The following ENTPD1 variants were observed in gnomAD, a reference collection of about 807,000 sequenced individuals.
ENTPD1 encodes ATP diphosphohydrolase.
A neutral mutation model predicts 57.0 loss-of-function variants in ENTPD1; 33 were observed. The observed-to-expected ratio is 0.58, with a 90% CI of 0.44 to 0.77. ENTPD1 has a LOEUF of 0.77. Ranked by LOEUF, ENTPD1 falls within the 30% of genes least tolerant of loss-of-function variation. The pLI is 0.00. For synonymous variants in ENTPD1, 202 were observed against 218.8 expected, an observed-to-expected ratio of 0.92 and a Z score of 0.68; for missense variants, 501 against 603.4, an observed-to-expected ratio of 0.83 and a Z score of 1.78.
intron 1 of ENTPD1, among the ~76,000 whole-genome samples, chr10:95,730,689 TGTG>T (rs1296639985): frequency 1.3e-5 from 2 of 152,206 alleles, no homozygotes; most frequent in Non-Finnish European, 2.9e-5. Flanking sequence ...AAAAAAGATA[TGTG>T]GTGGTAAATA....
At chr10:95,865,129 C>T (rs942940458) in intron 9 of ENTPD1, among the ~76,000 whole-genome samples, 1 of 152,208 alleles carries the variant, frequency 6.6e-6, no homozygotes, top group African/African-American at 2.4e-5. Flanking sequence ...AAACAAAACA[C>T]AAAACGAGAT....
At chr10:95,712,053 C>A in intron 1 of ENTPD1, 1 of 1,609,480 alleles carries the variant, frequency 6.2e-7, no homozygotes, top group South Asian at 1.1e-5. Flanking sequence ...TCTGGTAGAG[C>A]CGATGGTAAA....
intron 2 of ENTPD1, among the ~76,000 whole-genome samples, chr10:95,834,354 C>T (rs1387945751): frequency 6.6e-6 from 1 of 152,014 alleles, no homozygotes; most frequent in East Asian, 1.9e-4. Flanking sequence ...GTGGCCAGTA[C>T]CGTCTTTAGA....
intron 1 of ENTPD1, among the ~76,000 whole-genome samples, chr10:95,749,551 G>A (rs1566102143): frequency 6.6e-6 from 1 of 152,182 alleles, no homozygotes; most frequent in Non-Finnish European, 1.5e-5. Context: ...GGCCATTTTA[G>A]TAGAAAATAG....
intron 1 of ENTPD1, among the ~76,000 whole-genome samples, chr10:95,778,621 T>A (rs1217185109): frequency 6.6e-6 from 1 of 152,218 alleles, no homozygotes; most frequent in African/African-American, 2.4e-5. Flanking sequence ...TTAACCTTTT[T>A]GTTAAAATTT....
intron 5 of ENTPD1, 154 bp downstream of exon 5, chr10:95,844,789 G>T: frequency 1.0e-6 from 1 of 967,498 alleles, no homozygotes; most frequent in South Asian, 1.3e-5. Flanking sequence ...TCTCACATTT[G>T]TAAGGGTCAC....
chr10:95,734,967 A>C (rs1304253481), intron 1 of ENTPD1, among the ~76,000 whole-genome samples: 13 of 152,106 alleles, frequency 8.5e-5, no homozygotes, highest in Admixed American at 2.6e-4. Context: ...GTAGGGTTAC[A>C]GGCATTTTCT....
chr10:95,744,323 G>A (rs981327105), intron 1 of ENTPD1, among the ~76,000 whole-genome samples: 7 of 152,038 alleles, frequency 4.6e-5, no homozygotes, highest in African/African-American at 1.7e-4. Flanking sequence ...CTTTGGTCCT[G>A]TAGACTTTAC....
chr10:95,714,781 T>G (rs1261554973), intron 1 of ENTPD1, among the ~76,000 whole-genome samples: 3 of 152,208 alleles, frequency 2.0e-5, no homozygotes, highest in Non-Finnish European at 2.9e-5. Context: ...AAATTTTTTT[T>G]TTTTAGAATA....
intron 7 of ENTPD1, among the ~76,000 whole-genome samples, chr10:95,857,120 G>C (rs571976894): frequency 6.6e-6 from 1 of 152,268 alleles, no homozygotes; most frequent in South Asian, 2.1e-4. Flanking sequence ...TGAGATGCCA[G>C]AGGGAGGCTT....
Position 95,869,000 on chromosome 10 carries a change from C to T in ENTPD1, c.*2617C>T, listed in dbSNP as rs2098477374. Reference sequence around the variant, plus strand: ...GTTTAGAGGCAGATCCAGCAATCTGCTTTGGGCCACTCTGGGTGGGGTAGG... The same window carrying T: ...GTTTAGAGGCAGATCCAGCAATCTGTTTTGGGCCACTCTGGGTGGGGTAGG... On this transcript the variant is annotated 3_prime_UTR_variant, in exon 10 of 10. Coordinates refer to ENST00000371205, the MANE Select transcript of ENTPD1 (RefSeq NM_001776.6). 1 of 985,324 alleles carries T rather than the reference C, an allele frequency of 1.0e-6. No homozygotes were observed. The highest frequency in any genetic ancestry group is 1.2e-6 in the Non-Finnish European group (1 of 829,924). The allele number at this position is 985,324 out of a possible 1,614,324, so 61.0% of individuals were successfully genotyped here.
At chr10:95,784,265 A>G (rs935307780) in intron 1 of ENTPD1, among the ~76,000 whole-genome samples, 6 of 152,118 alleles carry the variant, frequency 3.9e-5, no homozygotes, top group African/African-American at 1.4e-4. Context: ...GTCACATATG[A>G]CATCTAATGA....
intron 1 of ENTPD1, among the ~76,000 whole-genome samples, chr10:95,819,721 TC>T (rs1388657949): frequency 1.3e-5 from 2 of 152,016 alleles, no homozygotes; most frequent in African/African-American, 2.4e-5. Flanking sequence ...AGCTGAAAAT[TC>T]CCCTCCCTTG....
chr10:95,744,909 T>G lies in ENTPD1; in HGVS notation c.37+32916T>G, dbSNP rs567920177. ...GAAAATATCCCCTCTGCTTTACTTA[T>G]TCGACCTTTCCCTACCCTGATGAAT... On this transcript the variant is annotated intron_variant, in intron 1 of 9. Transcript: ENST00000453258. Among the ~76,000 whole-genome samples the G allele has an allele frequency of 7.0e-4, 107 of 152,136 alleles. 1 individual carries two copies. The highest frequency in any genetic ancestry group is 1.3e-3 in the Non-Finnish European group (86 of 68,030).
intron 4 of ENTPD1, among the ~76,000 whole-genome samples, chr10:95,844,134 C>T (rs1473116932): frequency 6.6e-6 from 1 of 152,168 alleles, no homozygotes; most frequent in Non-Finnish European, 1.5e-5. Context: ...CAGGTATGGT[C>T]ATCAAACCAT....
intron 8 of ENTPD1, among the ~76,000 whole-genome samples, chr10:95,861,140 G>A (rs1226498167): frequency 1.3e-5 from 2 of 152,170 alleles, no homozygotes; most frequent in Non-Finnish European, 1.5e-5. Flanking sequence ...GGCACATTGT[G>A]GCCCACTCTC....
At chr10:95,830,159 G>A (rs1169098054) in intron 2 of ENTPD1, among the ~76,000 whole-genome samples, 2 of 152,172 alleles carry the variant, frequency 1.3e-5, no homozygotes. Flanking sequence ...AATGGACTAA[G>A]ACAAATGGTA....
In ENTPD1 at chr10:95,871,466, A is replaced by G. The variant is rs1201446766; in HGVS notation, c.*5083A>G. On this transcript the variant is annotated 3_prime_UTR_variant, in exon 10 of 10. Transcript: ENST00000371205. ...AACCATACATCTATGTATTTTTCTTATTTTATACGTTTAGGACAATGTATA... is the reference window on the plus strand; with the variant it reads ...AACCATACATCTATGTATTTTTCTTGTTTTATACGTTTAGGACAATGTATA... 1.0e-6 allele frequency: 1 copy of G among 985,380 alleles called. No individual in the cohort carries two copies. Among genetic ancestry groups the G allele is most frequent in the South Asian group, 4.7e-5 (1 of 21,280 alleles). The allele number at this position is 985,380 out of a possible 1,614,324, so 61.0% of individuals were successfully genotyped here.
At chr10:95,804,291 G>T (rs2098263107) in intron 1 of ENTPD1, among the ~76,000 whole-genome samples, 1 of 151,312 alleles carries the variant, frequency 6.6e-6, no homozygotes, top group South Asian at 2.1e-4. Flanking sequence ...AAATTACCTT[G>T]GGCAGCATTG....
Sources: allele counts gnomAD v4.1 joint callset (sites outside exome capture counted in the v4.1 genomes callset), GRCh38; gene constraint gnomAD v4.1.1; transcripts MANE v1.5; gene names NCBI Gene and HGNC (gene_info 2026-07-23, HGNC 2026-07-21).